Variants in UBE2T observed in about 807,000 individuals in gnomAD.
UBE2T encodes the protein ubiquitin conjugating enzyme E2 T, also known as ubiquitin-conjugating enzyme E2 T.
Under a neutral mutation model 23.3 loss-of-function variants are expected in UBE2T, and 15 were observed. The ratio of observed to expected loss-of-function variants is 0.64; its 90% CI spans 0.43 to 0.99. UBE2T has a LOEUF of 0.99. Ranked by LOEUF, UBE2T falls within the 50% of genes least tolerant of loss-of-function variation. The probability of loss-of-function intolerance (pLI) is 0.00; values close to 1 mark genes in which losing one functional copy is unlikely to be tolerated. For synonymous variants in UBE2T, 67 were observed against 78.4 expected, an observed-to-expected ratio of 0.85 and a Z score of 0.77; for missense variants, 197 against 234.9, an observed-to-expected ratio of 0.84 and a Z score of 1.05.
In UBE2T at chr1:202,335,003, A is replaced by T; in HGVS notation, c.165T>A (p.Val55=). 1 of 1,612,702 alleles carries T rather than the reference A, an allele frequency of 6.2e-7. No individual in the cohort carries two copies. Among genetic ancestry groups the T allele is most frequent in the Non-Finnish European group, 8.5e-7 (1 of 1,179,298 alleles). ...PYEKGVFKLE[V]IIPERYPFEP... ...TTCATACTAACCTCTCAGGAATGAT[A>T]ACTTCTAGCTTAAAAACACCTTTCT... Residue 55 remains valine (V), a synonymous_variant, in exon 3 of 7, where the codon GTT becomes GTA. Coordinates refer to ENST00000646651, the MANE Select transcript of UBE2T (RefSeq NM_014176.4). This position sits in a 1 kb window ranked among gnomAD's most constrained non-coding sequence, Gnocchi z 4.0.
chr1:202,333,679 G>A, intron 3 of UBE2T, 124 bp from the exon 4 acceptor site: 3 of 780,476 alleles, frequency 3.8e-6, no homozygotes, highest in Non-Finnish European at 3.9e-6. Context: ...GCCTTTGGGA[G>A]GCAAACTTTC....
chr1:202,333,660 A>C, intron 3 of UBE2T, 105 bp from the exon 4 acceptor site: 1 of 1,026,556 alleles, frequency 9.7e-7, no homozygotes, highest in South Asian at 1.7e-5. Flanking sequence ...TAGAAATGTC[A>C]GGGAGACTGC....
chr1:202,338,355 C>T (rs560814200), intron 1 of UBE2T, among the ~76,000 whole-genome samples: 1 of 152,104 alleles, frequency 6.6e-6, no homozygotes, highest in East Asian at 1.9e-4. Context: ...GAGTAGCTGG[C>T]GTTACAGGCA....
At chr1:202,340,976 C>G (rs936858242) in intron 1 of UBE2T, among the ~76,000 whole-genome samples, 1 of 152,236 alleles carries the variant, frequency 6.6e-6, no homozygotes, top group Non-Finnish European at 1.5e-5. Context: ...TCCACAAACT[C>G]ATGCTTCAGC....
At chr1:202,336,212 T>G (rs1404043909) in intron 1 of UBE2T, among the ~76,000 whole-genome samples, 1 of 2,106 alleles carries the variant, frequency 4.7e-4, no homozygotes, top group Non-Finnish European at 5.5e-3. Context: ...GCACCCAGCT[T>G]TTTTTTTTTT....
At position 202,335,612 on chromosome 1, in the gene UBE2T, A is replaced by C; in HGVS notation, c.109+34T>G. 1 of 1,590,100 alleles carries C rather than the reference A, an allele frequency of 6.3e-7. No homozygotes were observed. ...TTTCAGCACAATCTTCAATAGGGTCATGACTTTCATCATATACATGATTTG... is the reference window on the plus strand; with the variant it reads ...TTTCAGCACAATCTTCAATAGGGTCCTGACTTTCATCATATACATGATTTG... On this transcript the variant is annotated intron_variant, in intron 2 of 6. Transcript: ENST00000646651. This position sits in a 1 kb window ranked among gnomAD's most constrained non-coding sequence, Gnocchi z 4.0.
chr1:202,338,908 A>T (rs1458262070), intron 1 of UBE2T, among the ~76,000 whole-genome samples: 1 of 151,822 alleles, frequency 6.6e-6, no homozygotes, highest in East Asian at 1.9e-4. Flanking sequence ...AAAAAGAAAG[A>T]AAGAAAAGCT....
At chr1:202,334,829 T>C (rs1654845577) in intron 3 of UBE2T, among the ~76,000 whole-genome samples, 160 bp downstream of exon 3, 2 of 152,168 alleles carry the variant, frequency 1.3e-5, no homozygotes, top group Non-Finnish European at 1.5e-5. Flanking sequence ...AGAAGGAAAC[T>C]GAACTCCAGA....
At chr1:202,334,669 G>A (rs1654843212) in intron 3 of UBE2T, among the ~76,000 whole-genome samples, 2 of 152,286 alleles carry the variant, frequency 1.3e-5, no homozygotes, top group South Asian at 4.1e-4. Flanking sequence ...AAGTTCTGGA[G>A]ATAAATGTTG....
intron 3 of UBE2T, among the ~76,000 whole-genome samples, chr1:202,334,076 G>T (rs1447760642): frequency 6.6e-6 from 1 of 152,100 alleles, no homozygotes; most frequent in Non-Finnish European, 1.5e-5. Flanking sequence ...TTATTAAGCT[G>T]TTCTCCCAAG....
chr1:202,333,136 A>AT (rs780279415), intron 5 of UBE2T, 43 bp from the exon 6 acceptor site: 21 of 1,605,468 alleles, frequency 1.3e-5, no homozygotes, highest in Non-Finnish European at 1.7e-5. Context: ...GAAAAACATG[A>AT]TTTGCAGTGG....
intron 1 of UBE2T, among the ~76,000 whole-genome samples, chr1:202,339,599 CAAAAA>C (rs56088102): frequency 5.1e-5 from 4 of 79,052 alleles, no homozygotes; most frequent in South Asian, 4.1e-4. Flanking sequence ...GACTCTGTCT[CAAAAA>C]AAAAAAAAAA....
At chr1:202,336,252 T>C (rs1654881356) in intron 1 of UBE2T, among the ~76,000 whole-genome samples, 1 of 125,894 alleles carries the variant, frequency 7.9e-6, no homozygotes, top group African/African-American at 3.0e-5. Context: ...GGCAGGGTCT[T>C]GCTCTGTCAC....
chr1:202,339,616 A>G (rs923105912), intron 1 of UBE2T, among the ~76,000 whole-genome samples: 2 of 151,908 alleles, frequency 1.3e-5, no homozygotes, highest in East Asian at 3.9e-4. Context: ...AAAAAAAAAA[A>G]AAAAAACATC....
rs1654855674 is a variant in UBE2T, at chr1:202,335,229, CA to C, written c.110-172del. The C allele has an allele frequency of 1.7e-6, 1 of 603,254 alleles. No individual in the cohort carries two copies. The allele number at this position is 603,254 out of a possible 1,614,324, so 37.4% of individuals were successfully genotyped here. A position where few individuals can be genotyped will look rare whatever the true frequency, so the allele number is the denominator to read the frequency against. ...CAACACACCACAATGCTAATGTACT[CA>C]AAAAGTTAATGGTGTCAAACAAAGG... On this transcript the variant is annotated intron_variant, in intron 2 of 6. Coordinates refer to ENST00000646651, the MANE Select transcript of UBE2T (RefSeq NM_014176.4). This position sits in a 1 kb window ranked among gnomAD's most constrained non-coding sequence, Gnocchi z 4.0.
intron 1 of UBE2T, among the ~76,000 whole-genome samples, chr1:202,339,521 AT>A (rs1297914452): frequency 2.1e-5 from 3 of 143,788 alleles, no homozygotes; most frequent in Non-Finnish European, 3.0e-5. Flanking sequence ...AAAAATAAAG[AT>A]TTTTTGCTGG....
intron 1 of UBE2T, among the ~76,000 whole-genome samples, chr1:202,337,801 A>G (rs1654919881): frequency 6.6e-6 from 1 of 152,188 alleles, no homozygotes; most frequent in Admixed American, 6.5e-5. Context: ...GTACAATGTG[A>G]TGTTTTACTA....
chr1:202,333,500 T>C lies in UBE2T; in HGVS notation c.235A>G (p.Ile79Val), dbSNP rs770751259. 14 of 1,614,166 alleles carry C rather than the reference T, an allele frequency of 8.7e-6. No homozygotes were observed. Among genetic ancestry groups the C allele is most frequent in the East Asian group, 2.2e-5 (1 of 44,872 alleles). ...AGACAAATCCTTCCAGCAGAATCAA[T>C]GTTTGGATGATAAATTGGAGTGAGA... ...RFLTPIYHPN[I>V]DSAGRICLDV... Residue 79 changes from isoleucine (I) to valine (V), a missense_variant, in exon 4 of 7, where the codon ATT (isoleucine) becomes GTT (valine). By Grantham distance (29) the Ile-to-Val change is conservative (BLOSUM62 3). Transcript: ENST00000646651.
chr1:202,333,347 C>T lies in UBE2T; in HGVS notation c.286-12G>A. The T allele has an allele frequency of 6.2e-7, 1 of 1,614,086 alleles. No homozygotes were observed. The highest frequency in any genetic ancestry group is 8.5e-7 in the Non-Finnish European group (1 of 1,179,954). ...GGTCTCCAAGCACCCTATATACAAACAGATGAACAGTTGCTTTTATATTAG... is the reference window on the plus strand; with the variant it reads ...GGTCTCCAAGCACCCTATATACAAATAGATGAACAGTTGCTTTTATATTAG... On this transcript the variant is annotated splice_polypyrimidine_tract_variant and intron_variant, in intron 4 of 6. Coordinates refer to ENST00000646651, the MANE Select transcript of UBE2T (RefSeq NM_014176.4).
Sources: gnomAD v4.1 joint callset for allele counts (sites outside exome capture counted in the v4.1 genomes callset) on GRCh38, gnomAD v4.1.1 for gene constraint, Gnocchi (gnomAD v3.1) non-coding constraint, MANE v1.5 for transcripts, NCBI Gene and HGNC (gene_info 2026-07-23, HGNC 2026-07-21) for gene names.